POLR3B: variants seen among roughly 807,000 people sequenced by gnomAD.
POLR3B encodes the protein DNA-directed RNA polymerase III subunit RPC2.
A neutral mutation model predicts 147.4 loss-of-function variants in POLR3B; 96 were observed. That is an observed-to-expected ratio of 0.65 (90% CI 0.55 to 0.77). POLR3B has a LOEUF of 0.77. Ranked by LOEUF, POLR3B falls within the 30% of genes least tolerant of loss-of-function variation. The pLI, the probability that POLR3B is intolerant of heterozygous loss-of-function variation, is 0.00. For missense variants in POLR3B, 1,036 were observed against 1,413.5 expected, an observed-to-expected ratio of 0.73 and a Z score of 4.28; for synonymous variants, 461 against 485.9, an observed-to-expected ratio of 0.95 and a Z score of 0.67.
At chr12:106,448,427 CTT>C (rs869133588) in intron 19 of POLR3B, among the ~76,000 whole-genome samples, 50 of 50,602 alleles carry the variant, frequency 9.9e-4, no homozygotes, top group Non-Finnish European at 1.6e-3. Flanking sequence ...TACGTTATTT[CTT>C]TTTTTTTTTT....
At position 106,430,439 on chromosome 12, in the gene POLR3B, G is replaced by C. The variant is rs1197665899; in HGVS notation, c.1430G>C (p.Gly477Ala). 6.2e-7 allele frequency: 1 copy of C among 1,613,400 alleles called. No homozygotes were observed. Among genetic ancestry groups the C allele is most frequent in the Non-Finnish European group, 8.5e-7 (1 of 1,179,852 alleles). Reference protein sequence around the residue: ...GPRSLQPSQWGMLCPSDTPEG... With the variant: ...GPRSLQPSQWAMLCPSDTPEG... ...CGCTCCCTCCAGCCATCTCAGTGGG[G>C]AATGCTGTGTCCTTCGGACACTCCT... is the stretch of plus-strand genomic sequence containing the variant. Residue 477 changes from glycine to alanine, a missense_variant, in exon 14 of 28, where the codon GGA becomes GCA. By Grantham distance (60) the Gly-to-Ala change is moderately conservative. Coordinates refer to ENST00000228347, the MANE Select transcript of POLR3B (RefSeq NM_018082.6).
At chr12:106,398,518 A>G (rs2037014570) in intron 10 of POLR3B, among the ~76,000 whole-genome samples, 1 of 152,220 alleles carries the variant, frequency 6.6e-6, no homozygotes, top group Admixed American at 6.5e-5. Flanking sequence ...GAGATCTGAG[A>G]ATGGGCAGAC....
In POLR3B at chr12:106,454,067, T is replaced by C. The variant is rs139976471; in HGVS notation, c.2084-435T>C. ...CTTTTTCATTTAGAACTTTTGCAAT[T>C]ATTTCTTTTTATGGAATATACCTGT... On this transcript the variant is annotated intron_variant, in intron 19 of 27. Coordinates refer to ENST00000228347, the MANE Select transcript of POLR3B (RefSeq NM_018082.6). 9.2e-5 allele frequency among the ~76,000 whole-genome samples: 14 copies of C among 152,340 alleles called. No individual in the cohort carries two copies. The East Asian group carries it at 2.1e-3, about 23-fold the overall frequency.
Position 106,457,142 on chromosome 12 carries a change from T to C in POLR3B, c.2298T>C (p.Phe766=). Reference sequence around the variant, plus strand: ...CCCATCTTGGTTTCATTTTAGGCTTTGGGCGTTGCCTTGTATATAAAAATG... The same window carrying C: ...CCCATCTTGGTTTCATTTTAGGCTTCGGGCGTTGCCTTGTATATAAAAATG... ...VLNKASLDRG[F]GRCLVYKNAK... is the part of the protein sequence containing the mutation. The change falls in exon 21 of 28, where the codon TTT becomes TTC. Residue 766 remains phenylalanine (F), a synonymous_variant. Coordinates refer to ENST00000228347, the MANE Select transcript of POLR3B (RefSeq NM_018082.6). The C allele has an allele frequency of 6.2e-7, 1 of 1,613,122 alleles. No individual in the cohort carries two copies. The highest frequency in any genetic ancestry group is 8.5e-7 in the Non-Finnish European group (1 of 1,179,232).
chr12:106,424,691 G>A (rs750123796), intron 12 of POLR3B, among the ~76,000 whole-genome samples: 2 of 151,928 alleles, frequency 1.3e-5, no homozygotes, highest in Admixed American at 6.6e-5. Flanking sequence ...TAGTGAAGGT[G>A]TTTTTTCTCT....
chr12:106,368,794 C>A (rs772805906), intron 4 of POLR3B, among the ~76,000 whole-genome samples: 3 of 152,166 alleles, frequency 2.0e-5, no homozygotes, highest in Non-Finnish European at 4.4e-5. Flanking sequence ...AGTTGTTCCA[C>A]TTCCAGTTCT....
At chr12:106,387,918 C>T (rs762322152) in intron 9 of POLR3B, among the ~76,000 whole-genome samples, 1 of 152,130 alleles carries the variant, frequency 6.6e-6, no homozygotes, top group Non-Finnish European at 1.5e-5. Flanking sequence ...TCTTTATGGT[C>T]AGAAACCCGG....
chr12:106,408,595 T>A (rs996842742), intron 11 of POLR3B, among the ~76,000 whole-genome samples: 2 of 152,202 alleles, frequency 1.3e-5, no homozygotes, highest in East Asian at 1.9e-4. Context: ...CCCAGACCAC[T>A]CTTTCCTCTA....
chr12:106,489,314 T>G (rs1027228507), intron 23 of POLR3B, among the ~76,000 whole-genome samples: 2 of 152,222 alleles, frequency 1.3e-5, no homozygotes, highest in African/African-American at 4.8e-5. Context: ...CTTATCAAAA[T>G]ATAGTTTTTT....
intron 27 of POLR3B, chr12:106,507,559 A>T (rs1242193012): frequency 3.7e-6 from 1 of 268,254 alleles, no homozygotes; most frequent in Non-Finnish European, 7.4e-6. Context: ...AGCACATTAA[A>T]AACGTAATTT....
At chr12:106,381,093 A>T (rs1160415570) in intron 9 of POLR3B, among the ~76,000 whole-genome samples, 1 of 152,242 alleles carries the variant, frequency 6.6e-6, no homozygotes, top group Non-Finnish European at 1.5e-5. Flanking sequence ...TCAGTGAGTT[A>T]TAGTCTTTTT....
intron 12 of POLR3B, among the ~76,000 whole-genome samples, chr12:106,412,879 T>G (rs942966998): frequency 5.3e-5 from 8 of 152,190 alleles, no homozygotes. Context: ...TGCATTTCCC[T>G]AAAAACTGAT....
intron 10 of POLR3B, among the ~76,000 whole-genome samples, chr12:106,399,765 A>G (rs1185027035): frequency 6.6e-6 from 1 of 152,182 alleles, no homozygotes; most frequent in Admixed American, 6.5e-5. Context: ...TACTTTACAG[A>G]CAAGCAAATG....
chr12:106,461,937 G>A (rs965419226), intron 22 of POLR3B, among the ~76,000 whole-genome samples: 12 of 152,178 alleles, frequency 7.9e-5, no homozygotes, highest in African/African-American at 2.9e-4. Flanking sequence ...TCTGCCCAGT[G>A]TCAGCTTCAT....
rs2038746901 is a variant in POLR3B at position 106,509,781 on chromosome 12, G to A, written c.*232G>A. On this transcript the variant is annotated 3_prime_UTR_variant, in exon 28 of 28. Transcript: ENST00000228347. The stretch of plus-strand genomic sequence containing the variant: ...TGCTGACCATGTGGACTGCAAGGCT[G>A]CTTGATTCACAGATGGATGTGACCT... The A allele has an allele frequency of 4.4e-6, 2 of 457,584 alleles. No individual in the cohort carries two copies. Among genetic ancestry groups the A allele is most frequent in the Non-Finnish European group, 8.1e-6 (2 of 248,070 alleles). 28.3% of individuals were successfully genotyped at this position (457,584 alleles called of 1,614,324 possible).
At position 106,459,257 on chromosome 12, in the gene POLR3B, A is replaced by G; in HGVS notation, c.2459A>G (p.Lys820Arg). 6.4e-7 allele frequency: 1 copy of G among 1,573,408 alleles called. No individual in the cohort carries two copies. Among genetic ancestry groups the G allele is most frequent in the Non-Finnish European group, 8.7e-7 (1 of 1,143,058 alleles). Residue 820 changes from lysine (K) to arginine (R), a missense_variant, in exon 22 of 28, where the codon AAA becomes AGA. Physicochemically the swap from Lys to Arg is conservative, Grantham distance 26. Transcript: ENST00000228347. ...ACTTTTCTTTTTTTCTCAGGTGAGAAAGTAGAAAACAAACAAGTGCTTGTA... is the reference window on the plus strand; with the variant it reads ...ACTTTTCTTTTTTTCTCAGGTGAGAGAGTAGAAAACAAACAAGTGCTTGTA... ...DADGICSPGE[K>R]VENKQVLVNK...
intron 16 of POLR3B, among the ~76,000 whole-genome samples, chr12:106,436,842 A>G (rs1031862238): frequency 4.6e-5 from 7 of 152,216 alleles, no homozygotes; most frequent in African/African-American, 1.4e-4. Context: ...ACTCACATGT[A>G]CACATGGGCT....
At chr12:106,364,010 G>A in intron 2 of POLR3B, 108 bp downstream of exon 2, 1 of 797,176 alleles carries the variant, frequency 1.3e-6, no homozygotes, top group South Asian at 1.5e-5. Context: ...TTTTGATTTT[G>A]TATAGCTGTG....
chr12:106,492,365 G>A (rs536117333), intron 23 of POLR3B, among the ~76,000 whole-genome samples: 10 of 151,932 alleles, frequency 6.6e-5, no homozygotes, highest in Admixed American at 2.6e-4. Context: ...GGGCAACATA[G>A]TGAGACCTCA....
Sources: allele counts gnomAD v4.1 joint callset (sites outside exome capture counted in the v4.1 genomes callset), GRCh38; gene constraint gnomAD v4.1.1; transcripts MANE v1.5; gene names NCBI Gene and HGNC (gene_info 2026-07-23, HGNC 2026-07-21).